The following LRP1B variants were observed in gnomAD, a reference collection of about 807,000 sequenced individuals.
The protein encoded by LRP1B is low-density lipoprotein receptor-related protein 1B.
A neutral mutation model predicts 556.6 loss-of-function variants in LRP1B; 217 were observed. That is an observed-to-expected ratio of 0.39 (90% CI 0.35 to 0.44). The LOEUF (loss-of-function observed/expected upper bound fraction) is 0.44. Among genes scored for constraint, LRP1B ranks in the 20% least tolerant of loss-of-function variants. LRP1B has a pLI of 1.00. For missense variants in LRP1B, 5,053 were observed against 5,620.8 expected (o/e 0.90, Z 3.23); for synonymous variants, 2,047 against 1,865.8 (o/e 1.10, Z -2.50).
Position 140,503,078 on chromosome 2 carries a change from T to C in LRP1B, c.8547A>G (p.Glu2849=), listed in dbSNP as rs144617188. 2.9e-3 allele frequency: 4,757 copies of C among 1,613,200 alleles called. 26 individuals are homozygous for C. The highest frequency in any genetic ancestry group is 2.7e-3 in the Non-Finnish European group (3,199 of 1,179,296). ...QCGYRQCGTE[E]FSCADGRCLL... Reference sequence around the variant, plus strand: ...GACACCGCCCATCAGCACAACTAAATTCTTCTGTACCACACTGTCGATATC... The same window carrying C: ...GACACCGCCCATCAGCACAACTAAACTCTTCTGTACCACACTGTCGATATC... The change falls in exon 54 of 91, where the codon GAA becomes GAG. Residue 2849 remains glutamate, a synonymous_variant. Coordinates refer to ENST00000389484, the MANE Select transcript of LRP1B (RefSeq NM_018557.3).
chr2:141,739,039 A>G (rs1693597161), intron 2 of LRP1B, among the ~76,000 whole-genome samples: 1 of 152,154 alleles, frequency 6.6e-6, no homozygotes, highest in African/African-American at 2.4e-5. Context: ...ATGTAAATGA[A>G]CATTTACTTC....
intron 7 of LRP1B, among the ~76,000 whole-genome samples, chr2:141,080,835 T>C (rs1415327758): frequency 1.3e-5 from 2 of 152,096 alleles, no homozygotes; most frequent in African/African-American, 4.8e-5. Context: ...ACTTCATAAG[T>C]TTTAAACTGC....
intron 2 of LRP1B, among the ~76,000 whole-genome samples, chr2:141,621,322 A>C (rs1688499182): frequency 6.6e-6 from 1 of 152,200 alleles, no homozygotes; most frequent in African/African-American, 2.4e-5. Flanking sequence ...CATTTCATAA[A>C]ATTAACATGA....
At chr2:141,541,166 AAAC>A (rs1471483055) in intron 2 of LRP1B, among the ~76,000 whole-genome samples, 2 of 152,052 alleles carry the variant, frequency 1.3e-5, no homozygotes, top group African/African-American at 4.8e-5. Flanking sequence ...ATTAAAATTC[AAAC>A]AATGTCAATT....
At chr2:141,544,618 A>G (rs575916645) in intron 2 of LRP1B, among the ~76,000 whole-genome samples, 1 of 151,522 alleles carries the variant, frequency 6.6e-6, no homozygotes, top group East Asian at 2.0e-4. Context: ...ACTTCTCCAC[A>G]CACTTTCACC....
In LRP1B at chr2:140,991,660, G is replaced by A. The variant is rs554420015; in HGVS notation, c.2645-2003C>T. ...TAAGTAAGCAAATAATTTCAATTTG[G>A]TTTGGCAACTACTGTAATAAAGAAT... On this transcript the variant is annotated intron_variant, in intron 16 of 90. Coordinates refer to ENST00000389484, the MANE Select transcript of LRP1B (RefSeq NM_018557.3). Among the ~76,000 whole-genome samples the A allele has an allele frequency of 1.3e-4, 20 of 152,142 alleles. 1 individual carries two copies. In the Middle Eastern group the frequency reaches 0.014, roughly 103 times the overall value.
chr2:141,338,457 C>T (rs1254322076), intron 3 of LRP1B, among the ~76,000 whole-genome samples: 2 of 152,034 alleles, frequency 1.3e-5, no homozygotes, highest in Non-Finnish European at 2.9e-5. Context: ...TCAGGGGTTG[C>T]TGGAAGGAAA....
chr2:141,276,173 C>T (rs911061349), intron 3 of LRP1B, among the ~76,000 whole-genome samples: 2 of 152,190 alleles, frequency 1.3e-5, no homozygotes, highest in Non-Finnish European at 2.9e-5. Flanking sequence ...CTTTCCAAAA[C>T]ACTTGTAATA....
intron 62 of LRP1B, among the ~76,000 whole-genome samples, chr2:140,453,001 CTT>C (rs1292118539): frequency 7.6e-6 from 1 of 132,088 alleles, no homozygotes; most frequent in Non-Finnish European, 1.6e-5. Context: ...GTGGAGAAAA[CTT>C]ATCTTTATAG....
At chr2:141,611,422 C>G (rs1411021739) in intron 2 of LRP1B, among the ~76,000 whole-genome samples, 1 of 152,144 alleles carries the variant, frequency 6.6e-6, no homozygotes, top group Non-Finnish European at 1.5e-5. Context: ...TCCTCCTCCT[C>G]ACATTTTTTT....
At chr2:140,364,637 C>T (rs1249522605) in intron 72 of LRP1B, 24 bp downstream of exon 72, 1 of 1,607,042 alleles carries the variant, frequency 6.2e-7, no homozygotes, top group Non-Finnish European at 8.5e-7. Context: ...AAAGTATAAT[C>T]TAGAGCCACG....
At chr2:140,609,472 C>T (rs1052472922) in intron 41 of LRP1B, among the ~76,000 whole-genome samples, 1 of 151,992 alleles carries the variant, frequency 6.6e-6, no homozygotes, top group Non-Finnish European at 1.5e-5. Context: ...TCCATACGTA[C>T]GTCCAACCAT....
intron 2 of LRP1B, among the ~76,000 whole-genome samples, chr2:141,494,057 G>A (rs1046552627): frequency 1.3e-5 from 2 of 152,140 alleles, no homozygotes; most frequent in Non-Finnish European, 2.9e-5. Flanking sequence ...GCCATCTTCT[G>A]AGATCAAGCA....
At chr2:142,035,477 A>C (rs1476511592) in intron 1 of LRP1B, among the ~76,000 whole-genome samples, 1 of 151,108 alleles carries the variant, frequency 6.6e-6, no homozygotes, top group Admixed American at 6.6e-5. Context: ...TTTTTTTTTA[A>C]TATTCACAGA....
chr2:140,553,357 T>A (rs567723577), intron 43 of LRP1B, among the ~76,000 whole-genome samples: 4 of 152,032 alleles, frequency 2.6e-5, no homozygotes, highest in Admixed American at 2.6e-4. Flanking sequence ...TCTACCCAAA[T>A]TTGTAAAGAA....
At chr2:141,772,587 G>A (rs1045039592) in intron 2 of LRP1B, among the ~76,000 whole-genome samples, 5 of 152,122 alleles carry the variant, frequency 3.3e-5, no homozygotes, top group Admixed American at 6.5e-5. Context: ...TGATTACACC[G>A]CATGCTAAAG....
At position 141,409,814 on chromosome 2, in the gene LRP1B, T is replaced by G. The variant is rs72985158; in HGVS notation, c.343+70582A>C. Among the ~76,000 whole-genome samples the G allele has an allele frequency of 8.1e-3, 1,239 of 152,182 alleles. 18 individuals are homozygous for G. Among genetic ancestry groups the G allele is most frequent in the African/African-American group, 0.028 (1,165 of 41,556 alleles). On this transcript the variant is annotated intron_variant, in intron 3 of 90. Transcript: ENST00000389484. Reference sequence around the variant, plus strand: ...AATTATTAAATTGGGTGGCCAAGGATAGTGTATCTGAGGAGGTGATATTTT... The same window carrying G: ...AATTATTAAATTGGGTGGCCAAGGAGAGTGTATCTGAGGAGGTGATATTTT...
At chr2:140,866,419 C>CT (rs1426037443) in intron 27 of LRP1B, among the ~76,000 whole-genome samples, 12 of 151,948 alleles carry the variant, frequency 7.9e-5, no homozygotes, top group Non-Finnish European at 1.6e-4. Flanking sequence ...AATCTATATA[C>CT]TTTTTTCTAT....
intron 41 of LRP1B, among the ~76,000 whole-genome samples, chr2:140,691,980 T>C (rs1189249386): frequency 3.9e-5 from 6 of 152,112 alleles, no homozygotes; most frequent in Non-Finnish European, 8.8e-5. Flanking sequence ...ATACCATTTC[T>C]TTTTTTCTTT....
Sources: allele counts gnomAD v4.1 joint callset (sites outside exome capture counted in the v4.1 genomes callset), GRCh38; gene constraint gnomAD v4.1.1; transcripts MANE v1.5; gene names NCBI Gene and HGNC (gene_info 2026-07-23, HGNC 2026-07-21).